XRN1: variants seen among roughly 807,000 people sequenced by gnomAD.
XRN1 encodes strand-exchange protein 1 homolog.
XRN1 carries 67 observed loss-of-function variants against 222.3 expected under a neutral mutation model. The observed-to-expected ratio is 0.30, with a 90% confidence interval of 0.25 to 0.37. The LOEUF (loss-of-function observed/expected upper bound fraction) is 0.37, where lower values mean the gene tolerates loss of function less well. Ranked by LOEUF, XRN1 falls within the 10% of genes least tolerant of loss-of-function variation. XRN1 has a pLI of 1.00. For synonymous variants in XRN1, 643 were observed against 652.4 expected (o/e 0.99, Z 0.22); for missense variants, 1,707 against 2,000.2 (o/e 0.85, Z 2.80).
intron 33 of XRN1, among the ~76,000 whole-genome samples, chr3:142,342,662 A>T (rs914358488): frequency 6.6e-6 from 1 of 152,148 alleles, no homozygotes; most frequent in African/African-American, 2.4e-5. Context: ...TGACAAAGGC[A>T]CCAAGAACAT....
In XRN1 at chr3:142,308,262, T is replaced by A. The variant is rs754775369; in HGVS notation, c.*3249A>T. ...AAATGCAGTGACTGGGTATGTCTTA[T>A]TTAACTGTTTTTCTTCTTCCATCTG... On this transcript the variant is annotated 3_prime_UTR_variant, in exon 41 of 41. Coordinates refer to ENST00000392981, the MANE Select transcript of XRN1 (RefSeq NM_001282857.2). 6.6e-6 allele frequency: 1 copy of A among 152,230 alleles called. No homozygotes were observed. Among genetic ancestry groups the A allele is most frequent in the Non-Finnish European group, 1.5e-5 (1 of 68,046 alleles). 9.4% of individuals were successfully genotyped at this position (152,230 alleles called of 1,614,324 possible).
In XRN1 at chr3:142,352,983, T is replaced by C. The variant is rs779029766; in HGVS notation, c.3768+2418A>G. ...GATCTAAGCTGAGAAGATAGGTAACTAGCAAAACATGTAGTAGGAATTTAT... is the reference window on the plus strand; with the variant it reads ...GATCTAAGCTGAGAAGATAGGTAACCAGCAAAACATGTAGTAGGAATTTAT... On this transcript the variant is annotated intron_variant, in intron 32 of 40. Coordinates refer to ENST00000392981, the MANE Select transcript of XRN1 (RefSeq NM_001282857.2). 3.3e-5 allele frequency among the ~76,000 whole-genome samples: 5 copies of C among 152,336 alleles called. No homozygotes were observed. The South Asian group carries it at 1.0e-3, about 32-fold the overall frequency.
At chr3:142,359,702 G>C (rs1051376037) in intron 30 of XRN1, among the ~76,000 whole-genome samples, 160 bp downstream of exon 30, 1 of 152,164 alleles carries the variant, frequency 6.6e-6, no homozygotes, top group African/African-American at 2.4e-5. Context: ...AGCTCTCTGA[G>C]GGTAGAAAGC....
intron 20 of XRN1, among the ~76,000 whole-genome samples, chr3:142,389,977 G>T (rs577720703): frequency 1.3e-5 from 2 of 152,330 alleles, no homozygotes; most frequent in East Asian, 3.9e-4. Context: ...GCTCTCAGTT[G>T]ATCAGGTGCA....
At chr3:142,410,495 T>TTG (rs2068526491) in intron 15 of XRN1, among the ~76,000 whole-genome samples, 1 of 131,916 alleles carries the variant, frequency 7.6e-6, no homozygotes, top group South Asian at 2.6e-4. Flanking sequence ...ATGTTTTTTT[T>TTG]TTTTTTTTTT....
chr3:142,422,917 C>T lies in XRN1; in HGVS notation c.716G>A (p.Cys239Tyr), dbSNP rs771431757. ...RFGGKKTQRV[C>Y]APEETTFHLL... The stretch of plus-strand genomic sequence containing the variant: ...GTGAAATGTAGTTTCTTCTGGAGCA[C>T]ATACCCTGGAATTAGTCAGATGATC... The change falls in exon 7 of 41, where the codon TGT (cysteine) becomes TAT (tyrosine). Residue 239 changes from cysteine to tyrosine, a missense_variant. By Grantham distance (194) the Cys-to-Tyr change is radical. Transcript: ENST00000392981. 5 of 1,610,264 alleles carry T rather than the reference C, an allele frequency of 3.1e-6. No individual in the cohort carries two copies. In the South Asian group the frequency reaches 4.4e-5, roughly 14 times the overall value.
At chr3:142,399,708 C>T (rs1250401066) in intron 19 of XRN1, among the ~76,000 whole-genome samples, 1 of 150,624 alleles carries the variant, frequency 6.6e-6, no homozygotes, top group African/African-American at 2.4e-5. Flanking sequence ...ATCAACATTA[C>T]ATAAAATAAC....
At chr3:142,357,504 G>T (rs2066495491) in intron 30 of XRN1, among the ~76,000 whole-genome samples, 2 of 151,888 alleles carry the variant, frequency 1.3e-5, no homozygotes, top group African/African-American at 4.8e-5. Context: ...CTAACTCACT[G>T]CAGTTTCGAA....
chr3:142,371,312 T>C lies in XRN1; in HGVS notation c.2995A>G (p.Ser999Gly). 4 of 1,612,642 alleles carry C rather than the reference T, an allele frequency of 2.5e-6. No individual in the cohort carries two copies. Among genetic ancestry groups the C allele is most frequent in the Non-Finnish European group, 3.4e-6 (4 of 1,179,696 alleles). Residue 999 changes from serine (S) to glycine (G), a missense_variant, in exon 26 of 41, where the codon AGT becomes GGT. Around this residue, in one of 2 missense-constraint regions of XRN1, gnomAD observed 1,234 missense variants for 1,518.2 expected, o/e 0.81. Transcript: ENST00000392981. ...EYLERAPELFSYIAKNSQEDV... is the reference protein window; with the variant it reads ...EYLERAPELFGYIAKNSQEDV... ...TCTTGGCTATTTTTGGCTATATAACTAAATAGTTCTGGAGCTCTGGTCAAA... is the reference window on the plus strand; with the variant it reads ...TCTTGGCTATTTTTGGCTATATAACCAAATAGTTCTGGAGCTCTGGTCAAA...
Position 142,437,824 on chromosome 3 carries a change from C to A in XRN1, c.76-4931G>T, listed in dbSNP as rs913453221. 4.6e-5 allele frequency among the ~76,000 whole-genome samples: 7 copies of A among 152,226 alleles called. 1 individual carries two copies. Among genetic ancestry groups the A allele is most frequent in the South Asian group, 4.1e-4 (2 of 4,824 alleles). ...ACAAGGGATTAATAATCAGAATATA[C>A]AACGAGCTCAAACAACTCTATAGGA... is the stretch of plus-strand genomic sequence containing the variant. On this transcript the variant is annotated intron_variant, in intron 1 of 40. Coordinates refer to ENST00000392981, the MANE Select transcript of XRN1 (RefSeq NM_001282857.2).
intron 15 of XRN1, among the ~76,000 whole-genome samples, chr3:142,408,144 T>C (rs748383562): frequency 1.2e-4 from 18 of 152,234 alleles, no homozygotes; most frequent in Non-Finnish European, 2.6e-4. Flanking sequence ...AAATGCTTCC[T>C]ATTTTTCTTG....
chr3:142,363,538 C>G (rs756152402), intron 29 of XRN1, among the ~76,000 whole-genome samples: 6 of 151,754 alleles, frequency 4.0e-5, no homozygotes, highest in Non-Finnish European at 5.9e-5. Context: ...CACCGTTTTT[C>G]AGTGCAAATT....
intron 18 of XRN1, 104 bp from the exon 19 acceptor site, chr3:142,400,651 A>T (rs1316085420): frequency 4.7e-6 from 4 of 859,240 alleles, no homozygotes; most frequent in Non-Finnish European, 7.2e-6. Context: ...AAATTCTAAA[A>T]TAAACAAGTT....
In XRN1 at chr3:142,329,482, G is replaced by C. The variant is rs139447998; in HGVS notation, c.4356C>G (p.Ser1452=). The C allele has an allele frequency of 6.3e-7, 1 of 1,595,744 alleles. No homozygotes were observed. Among genetic ancestry groups the C allele is most frequent in the Non-Finnish European group, 8.5e-7 (1 of 1,173,232 alleles). Residue 1452 remains serine (S), a synonymous_variant, in exon 37 of 41, where the codon TCC becomes TCG. Transcript: ENST00000392981. ...AATCAGGTTGTGGCATTCCAACAAG[G>C]GAACAAATTCGAGAAAGTTCAGTTA... is the stretch of plus-strand genomic sequence containing the variant. ...TPVTELSRIC[S]LVGMPQPDFS... is the part of the protein sequence containing the mutation.
At position 142,423,681 on chromosome 3, in the gene XRN1, T is replaced by C. The variant is rs781661680; in HGVS notation, c.628-39A>G. ...ATTAAGAAATGTTTTTATTCTCCCA[T>C]TTTTAATAATATTAGGTTCACAAAA... is the stretch of plus-strand genomic sequence containing the variant. On this transcript the variant is annotated intron_variant, in intron 5 of 40. Transcript: ENST00000392981. 3 of 1,491,312 alleles carry C rather than the reference T, an allele frequency of 2.0e-6. No homozygotes were observed. In the South Asian group the frequency reaches 3.9e-5, roughly 19 times the overall value. The allele number at this position is 1,491,312 out of a possible 1,614,324, so 92.4% of individuals were successfully genotyped here.
At position 142,418,835 on chromosome 3, in the gene XRN1, C is replaced by T; in HGVS notation, c.1220G>A (p.Gly407Asp). 1 of 1,614,006 alleles carries T rather than the reference C, an allele frequency of 6.2e-7. No individual in the cohort carries two copies. The highest frequency in any genetic ancestry group is 2.2e-5 in the East Asian group (1 of 44,826). Residue 407 changes from glycine to aspartate, a missense_variant, in exon 11 of 41, where the codon GGC (glycine) becomes GAC (aspartate). Gly to Asp is a moderately conservative substitution (Grantham distance 94). This residue lies in a region of XRN1 where 1,234 missense variants were observed against 1,518.2 expected (regional missense o/e 0.81). Coordinates refer to ENST00000392981, the MANE Select transcript of XRN1 (RefSeq NM_001282857.2). Reference sequence around the variant, plus strand: ...CTTACCCTTAGAAGTTATCATTTCGCCTTCATTTTTGTCTAAAGCAGTCCA... The same window carrying T: ...CTTACCCTTAGAAGTTATCATTTCGTCTTCATTTTTGTCTAAAGCAGTCCA... ...LCWTALDKNE[G>D]EMITSKDNLE...
chr3:142,366,906 T>C (rs1310335030), intron 27 of XRN1, among the ~76,000 whole-genome samples: 2 of 152,194 alleles, frequency 1.3e-5, no homozygotes, highest in Non-Finnish European at 2.9e-5. Context: ...AGCTGGGTAA[T>C]GTTCATAATA....
chr3:142,320,362 C>A (rs1421539343), intron 37 of XRN1, among the ~76,000 whole-genome samples: 2 of 152,020 alleles, frequency 1.3e-5, no homozygotes, highest in African/African-American at 4.8e-5. Flanking sequence ...GTTGGCAACC[C>A]CTTGAGATGT....
chr3:142,324,491 A>G (rs1376953577), intron 37 of XRN1, among the ~76,000 whole-genome samples: 1 of 151,876 alleles, frequency 6.6e-6, no homozygotes, highest in Non-Finnish European at 1.5e-5. Context: ...AATCCAGTCT[A>G]TCGTTGTTGG....
Sources: allele counts gnomAD v4.1 joint callset (sites outside exome capture counted in the v4.1 genomes callset), GRCh38; gene constraint gnomAD v4.1.1; regional missense constraint gnomAD v4.1.1; transcripts MANE v1.5; gene names NCBI Gene and HGNC (gene_info 2026-07-23, HGNC 2026-07-21).